Variants in ITPR2 observed in about 807,000 individuals in gnomAD.
ITPR2 encodes the protein inositol 1,4,5-trisphosphate receptor type 2.
ITPR2 carries 207 observed loss-of-function variants against 317.1 expected under a neutral mutation model. The ratio of observed to expected loss-of-function variants is 0.65; its 90% CI spans 0.58 to 0.73. The LOEUF is 0.73. Among genes scored for constraint, ITPR2 ranks in the 30% least tolerant of loss-of-function variants. ITPR2 has a pLI of 0.00. For synonymous variants in ITPR2, 1,156 were observed against 1,149.1 expected (o/e 1.01, Z -0.12); for missense variants, 2,613 against 3,284.0 (o/e 0.80, Z 4.99).
intron 48 of ITPR2, among the ~76,000 whole-genome samples, chr12:26,435,703 T>C (rs1395921004): frequency 2.0e-5 from 3 of 152,228 alleles, no homozygotes. Context: ...CCTATTATTA[T>C]ATTGTCTTAT....
chr12:26,465,732 T>G (rs1942155559), intron 45 of ITPR2, among the ~76,000 whole-genome samples: 1 of 152,264 alleles, frequency 6.6e-6, no homozygotes, highest in South Asian at 2.1e-4. Flanking sequence ...TGGTTGTTTT[T>G]GTGTCTCCCT....
At chr12:26,666,624 A>G (rs925966548) in intron 13 of ITPR2, among the ~76,000 whole-genome samples, 8 of 152,178 alleles carry the variant, frequency 5.3e-5, no homozygotes, top group Non-Finnish European at 8.8e-5. Flanking sequence ...AACAGGAAAA[A>G]CTTAAATGAC....
In ITPR2 at chr12:26,682,653, C is replaced by T. The variant is rs149790905; in HGVS notation, c.1169G>A (p.Arg390Lys). The change falls in exon 12 of 57, where the codon AGG becomes AAG. Residue 390 changes from arginine (R) to lysine (K), a missense_variant. Arg to Lys is a conservative substitution (Grantham distance 26). This residue lies in a region of ITPR2 where 515 missense variants were observed against 789.4 expected (regional missense o/e 0.65). Coordinates refer to ENST00000381340, the MANE Select transcript of ITPR2 (RefSeq NM_002223.4). The stretch of plus-strand genomic sequence containing the variant: ...TACCCATGTGTTGGTGCATAAATGC[C>T]TTAACCGAACATATGAGTTCCTAAA... ...LVPRNSYVRL[R>K]HLCTNTWVTS... is the part of the protein sequence containing the mutation. The T allele has an allele frequency of 1.9e-6, 3 of 1,612,062 alleles. No individual in the cohort carries two copies. The highest frequency in any genetic ancestry group is 2.7e-5 in the African/African-American group (2 of 74,916).
chr12:26,714,424 A>G (rs970527485), intron 8 of ITPR2, among the ~76,000 whole-genome samples: 1 of 152,152 alleles, frequency 6.6e-6, no homozygotes, highest in African/African-American at 2.4e-5. Flanking sequence ...GGGCATAAAT[A>G]TTGTATCTTT....
At chr12:26,345,252 A>T (rs1200473952) in intron 55 of ITPR2, among the ~76,000 whole-genome samples, 1 of 152,110 alleles carries the variant, frequency 6.6e-6, no homozygotes, top group East Asian at 1.9e-4. Flanking sequence ...CAGTTCCACA[A>T]CTGATTTTTC....
chr12:26,532,981 C>T (rs975905461), intron 37 of ITPR2, among the ~76,000 whole-genome samples: 18 of 152,110 alleles, frequency 1.2e-4, no homozygotes, highest in African/African-American at 3.1e-4. Flanking sequence ...CCACCGTGCC[C>T]GGCCCAGAAT....
At chr12:26,461,045 T>G (rs1203115408) in intron 45 of ITPR2, among the ~76,000 whole-genome samples, 1 of 152,200 alleles carries the variant, frequency 6.6e-6, no homozygotes, top group Admixed American at 6.5e-5. Flanking sequence ...AATTCTAATT[T>G]ATGAGCAGGC....
intron 45 of ITPR2, among the ~76,000 whole-genome samples, chr12:26,448,385 G>T (rs1486090298): frequency 6.6e-6 from 1 of 151,960 alleles, no homozygotes; most frequent in Non-Finnish European, 1.5e-5. Context: ...GGAAATCTCT[G>T]GGTCTTAGAA....
At chr12:26,563,500 G>T (rs1271703330) in intron 34 of ITPR2, among the ~76,000 whole-genome samples, 1 of 152,010 alleles carries the variant, frequency 6.6e-6, no homozygotes, top group Non-Finnish European at 1.5e-5. Context: ...AACCCAGTAG[G>T]CAGAGGTTGC....
intron 21 of ITPR2, among the ~76,000 whole-genome samples, chr12:26,650,684 G>A (rs1176190605): frequency 6.6e-6 from 1 of 152,174 alleles, no homozygotes; most frequent in South Asian, 2.1e-4. Flanking sequence ...CAAAAGTCAG[G>A]ATCAACTTCT....
chr12:26,768,386 CA>C (rs1392115213), intron 2 of ITPR2, among the ~76,000 whole-genome samples: 2 of 135,372 alleles, frequency 1.5e-5, no homozygotes, highest in Non-Finnish European at 3.1e-5. Context: ...GCACAATGTG[CA>C]CATGTACCCT....
At position 26,600,042 on chromosome 12, in the gene ITPR2, T is replaced by A; in HGVS notation, c.3746A>T (p.Asn1249Ile). Reference protein sequence around the residue: ...HTFLQNFCRGNPQNQVLLHKH... With the variant: ...HTFLQNFCRGIPQNQVLLHKH... ...ATGAAGAAGAACTTGATTCTGTGGA[T>A]TTCCTCGACAGAAATTCTGCAGAAA... Residue 1249 changes from asparagine (N) to isoleucine (I), a missense_variant, in exon 29 of 57, where the codon AAT becomes ATT. Physicochemically the swap from Asn to Ile is moderately radical, Grantham distance 149. This residue lies in a region of ITPR2 where 817 missense variants were observed against 897.6 expected (regional missense o/e 0.91). Coordinates refer to ENST00000381340, the MANE Select transcript of ITPR2 (RefSeq NM_002223.4). The A allele has an allele frequency of 6.2e-7, 1 of 1,604,848 alleles. No homozygotes were observed. Among genetic ancestry groups the A allele is most frequent in the East Asian group, 2.2e-5 (1 of 44,794 alleles).
At chr12:26,712,461 C>G (rs1210804354) in intron 8 of ITPR2, among the ~76,000 whole-genome samples, 2 of 152,188 alleles carry the variant, frequency 1.3e-5, no homozygotes, top group African/African-American at 4.8e-5. Flanking sequence ...ACAAAACACT[C>G]CCTCTGTGGC....
At chr12:26,601,875 C>T (rs77122872) in intron 28 of ITPR2, among the ~76,000 whole-genome samples, 1,554 of 152,218 alleles carry the variant, frequency 0.01, 28 homozygotes, top group African/African-American at 0.036. Context: ...AGCAATGAGA[C>T]GAACACAGCA....
intron 45 of ITPR2, among the ~76,000 whole-genome samples, chr12:26,461,647 T>TGC (rs1334717875): frequency 3.2e-5 from 1 of 31,468 alleles, no homozygotes; most frequent in Non-Finnish European, 1.4e-4. Flanking sequence ...TATATATATA[T>TGC]ATATATATAT....
intron 48 of ITPR2, 141 bp from the exon 49 acceptor site, chr12:26,428,229 A>C: frequency 1.9e-6 from 1 of 523,520 alleles, no homozygotes; most frequent in Non-Finnish European, 3.1e-6. Context: ...TACGTTCTTT[A>C]TATTTCAAGG....
chr12:26,803,850 C>A (rs1186141569), intron 1 of ITPR2, among the ~76,000 whole-genome samples: 1 of 152,002 alleles, frequency 6.6e-6, no homozygotes, highest in African/African-American at 2.4e-5. Flanking sequence ...ACTTCCCTGG[C>A]CAGAAAAACC....
intron 37 of ITPR2, among the ~76,000 whole-genome samples, chr12:26,527,321 T>C (rs1422701159): frequency 6.6e-6 from 1 of 152,224 alleles, no homozygotes; most frequent in Non-Finnish European, 1.5e-5. Flanking sequence ...CATTGCACTT[T>C]GTAGGAAGAA....
chr12:26,507,987 G>A (rs141686659), intron 37 of ITPR2, among the ~76,000 whole-genome samples: 1 of 152,054 alleles, frequency 6.6e-6, no homozygotes, highest in Non-Finnish European at 1.5e-5. Context: ...GGTCTTTGAA[G>A]TATGAAGATT....
Sources: allele counts gnomAD v4.1 joint callset (sites outside exome capture counted in the v4.1 genomes callset), GRCh38; gene constraint gnomAD v4.1.1; regional missense constraint gnomAD v4.1.1; transcripts MANE v1.5; gene names NCBI Gene and HGNC (gene_info 2026-07-23, HGNC 2026-07-21).